TMEM135: variants seen among roughly 807,000 people sequenced by gnomAD.
TMEM135 encodes the protein transmembrane protein 135, also known as peroxisomal membrane protein 52.
In TMEM135, 30 loss-of-function variants were observed where a neutral mutation model predicts 60.3. The ratio of observed to expected loss-of-function variants is 0.50; its 90% CI spans 0.37 to 0.68. TMEM135 has a LOEUF of 0.68. Ranked by LOEUF, TMEM135 falls within the 30% of genes least tolerant of loss-of-function variation. The probability of loss-of-function intolerance (pLI) is 0.00; values close to 1 mark genes in which losing one functional copy is unlikely to be tolerated. For missense variants in TMEM135, 468 were observed against 548.8 expected (o/e 0.85, Z 1.47); for synonymous variants, 190 against 186.7 (o/e 1.02, Z -0.14).
chr11:87,297,910 A>T (rs1020637356), intron 7 of TMEM135, among the ~76,000 whole-genome samples: 1 of 152,212 alleles, frequency 6.6e-6, no homozygotes, highest in Admixed American at 6.5e-5. Context: ...TATATGGTGA[A>T]TATGGACTCA....
intron 7 of TMEM135, among the ~76,000 whole-genome samples, chr11:87,298,590 C>T (rs911721510): frequency 1.3e-5 from 2 of 151,460 alleles, no homozygotes; most frequent in Admixed American, 1.3e-4. Flanking sequence ...GAGTTAGAGA[C>T]CAGCCTGGCC....
intron 3 of TMEM135, among the ~76,000 whole-genome samples, chr11:87,076,783 G>A (rs1856882474): frequency 6.6e-6 from 1 of 152,156 alleles, no homozygotes; most frequent in Non-Finnish European, 1.5e-5. Flanking sequence ...TTTCCTTCAA[G>A]GCAGCAGGTT....
chr11:87,080,535 A>G (rs566328043), intron 3 of TMEM135, among the ~76,000 whole-genome samples: 3 of 152,082 alleles, frequency 2.0e-5, no homozygotes, highest in South Asian at 4.1e-4. Context: ...TTTTAATGCT[A>G]TCAATTTCTG....
intron 4 of TMEM135, among the ~76,000 whole-genome samples, chr11:87,108,534 GTC>G (rs1857658209): frequency 6.6e-6 from 1 of 151,604 alleles, no homozygotes; most frequent in Non-Finnish European, 1.5e-5. Context: ...TGTTTTTCTA[GTC>G]TCTATTTATT....
At chr11:87,262,957 TG>T (rs1941679434) in intron 6 of TMEM135, among the ~76,000 whole-genome samples, 1 of 152,158 alleles carries the variant, frequency 6.6e-6, no homozygotes, top group Non-Finnish European at 1.5e-5. Flanking sequence ...GAGTTGTTTT[TG>T]TTATAAGATA....
intron 2 of TMEM135, among the ~76,000 whole-genome samples, chr11:87,068,581 C>T (rs948789961): frequency 6.6e-5 from 10 of 151,854 alleles, no homozygotes; most frequent in African/African-American, 1.7e-4. Flanking sequence ...GAGGCCGAGG[C>T]GGGTGGATCA....
chr11:87,305,647 G>A (rs576711737), intron 8 of TMEM135, among the ~76,000 whole-genome samples: 59 of 152,116 alleles, frequency 3.9e-4, no homozygotes, highest in African/African-American at 1.4e-3. Flanking sequence ...GGTGGCAGGC[G>A]CCTGTAATCC....
chr11:87,214,764 A>G (rs1432556161), intron 5 of TMEM135, among the ~76,000 whole-genome samples: 1 of 152,182 alleles, frequency 6.6e-6, no homozygotes, highest in African/African-American at 2.4e-5. Flanking sequence ...AGTTTTTGCT[A>G]TAACGACTGA....
At chr11:87,245,784 A>G (rs1388593950) in intron 6 of TMEM135, among the ~76,000 whole-genome samples, 1 of 103,288 alleles carries the variant, frequency 9.7e-6, no homozygotes, top group African/African-American at 3.8e-5. Flanking sequence ...CAGCACACTG[A>G]TGGGTCTTGA....
chr11:87,157,305 C>T (rs556139), intron 4 of TMEM135, 36 bp from the exon 5 acceptor site: 541,354 of 1,565,722 alleles, frequency 0.35, 98,715 homozygotes, highest in East Asian at 0.67. Context: ...GATTGTAGAT[C>T]ATATATTTTT....
rs1213364775 is a variant in TMEM135, at chr11:87,328,483, T to G, written c.*7150T>G. The G allele has an allele frequency of 2.2e-6, 1 of 454,030 alleles. No individual in the cohort carries two copies. The highest frequency in any genetic ancestry group is 7.0e-5 in the East Asian group (1 of 14,386). 28.1% of individuals were successfully genotyped at this position (454,030 alleles called of 1,614,324 possible). The stretch of plus-strand genomic sequence containing the variant: ...CCAGAATAGTGTGCATTGTACCCAA[T>G]ATATAGCTTTTTATTCCTTCCCCTT... On this transcript the variant is annotated 3_prime_UTR_variant, in exon 15 of 15. Coordinates refer to ENST00000305494, the MANE Select transcript of TMEM135 (RefSeq NM_022918.4).
intron 4 of TMEM135, among the ~76,000 whole-genome samples, chr11:87,106,763 A>G (rs1857606703): frequency 6.6e-6 from 1 of 152,154 alleles, no homozygotes; most frequent in Non-Finnish European, 1.5e-5. Context: ...TTGCATTGCT[A>G]TAAAGAGATA....
chr11:87,094,489 T>G (rs1287445584), intron 4 of TMEM135, among the ~76,000 whole-genome samples: 1 of 152,188 alleles, frequency 6.6e-6, no homozygotes, highest in Non-Finnish European at 1.5e-5. Flanking sequence ...CTTCTCCCCT[T>G]TTTTCAATAC....
intron 9 of TMEM135, among the ~76,000 whole-genome samples, chr11:87,308,838 T>C (rs891033490): frequency 6.6e-6 from 1 of 152,178 alleles, no homozygotes; most frequent in African/African-American, 2.4e-5. Flanking sequence ...GAAGGAAATA[T>C]AGAGAAATGT....
intron 4 of TMEM135, among the ~76,000 whole-genome samples, chr11:87,126,541 G>GC (rs1446572528): frequency 9.3e-5 from 14 of 150,940 alleles, no homozygotes; most frequent in Non-Finnish European, 2.1e-4. Flanking sequence ...TTTAGTTCTC[G>GC]CTAAAAATGT....
At chr11:87,091,083 A>G (rs1857195006) in intron 3 of TMEM135, among the ~76,000 whole-genome samples, 2 of 152,072 alleles carry the variant, frequency 1.3e-5, no homozygotes, top group African/African-American at 4.8e-5. Context: ...CTTGCCAATA[A>G]CAAATAACAA....
At chr11:87,317,135 A>G (rs1449310258) in intron 12 of TMEM135, among the ~76,000 whole-genome samples, 1 of 152,074 alleles carries the variant, frequency 6.6e-6, no homozygotes, top group Non-Finnish European at 1.5e-5. Flanking sequence ...ACTGGAAAGA[A>G]TATAGAAGTA....
intron 5 of TMEM135, among the ~76,000 whole-genome samples, chr11:87,165,775 C>T (rs897970332): frequency 6.6e-6 from 1 of 150,688 alleles, no homozygotes; most frequent in African/African-American, 2.5e-5. Flanking sequence ...ACACAAAAAA[C>T]CCTTCAAAAA....
At chr11:87,318,073 C>A in intron 12 of TMEM135, 64 bp from the exon 13 acceptor site, 1 of 1,288,114 alleles carries the variant, frequency 7.8e-7, no homozygotes, top group Non-Finnish European at 1.1e-6. Flanking sequence ...GAGCACAATG[C>A]TCAACTATGT....
Sources: allele counts gnomAD v4.1 joint callset (sites outside exome capture counted in the v4.1 genomes callset), GRCh38; gene constraint gnomAD v4.1.1; transcripts MANE v1.5; gene names NCBI Gene and HGNC (gene_info 2026-07-23, HGNC 2026-07-21).